PYGB: variants seen among roughly 807,000 people sequenced by gnomAD.
PYGB encodes glycogen phosphorylase, brain form.
Under a neutral mutation model 94.3 loss-of-function variants are expected in PYGB, and 82 were observed. The ratio of observed to expected loss-of-function variants is 0.87; its 90% confidence interval spans 0.73 to 1.04. PYGB has a LOEUF of 1.04. Ranked by LOEUF, PYGB falls within the 50% of genes least tolerant of loss-of-function variation. The pLI is 0.00. For synonymous variants in PYGB, 488 were observed against 479.1 expected (o/e 1.02, Z -0.24); for missense variants, 1,132 against 1,158.2 (o/e 0.98, Z 0.33).
chr20:25,269,092 A>C (rs1417244428), intron 2 of PYGB, 37 bp from the exon 3 acceptor site: 1 of 1,493,748 alleles, frequency 6.7e-7, no homozygotes. Flanking sequence ...GAAAATATTG[A>C]GTAACATTAA....
intron 14 of PYGB, among the ~76,000 whole-genome samples, chr20:25,286,850 C>T (rs1175367121): frequency 2.0e-5 from 3 of 152,248 alleles, no homozygotes; most frequent in Non-Finnish European, 4.4e-5. Context: ...TGTCCCCTGC[C>T]CACTGTGACC....
At position 25,296,787 on chromosome 20, in the gene PYGB, C is replaced by G. The variant is rs2088553924; in HGVS notation, c.*265C>G. ...CAGCCCTGCAGCTTCAGCACCTGCC[C>G]CACCCAGAGTGGGAGTCAGGTGGAG... On this transcript the variant is annotated 3_prime_UTR_variant, in exon 20 of 20. Coordinates refer to ENST00000216962, the MANE Select transcript of PYGB (RefSeq NM_002862.4). The G allele has an allele frequency of 2.1e-6, 1 of 465,992 alleles. No homozygotes were observed. Among genetic ancestry groups the G allele is most frequent in the Non-Finnish European group, 3.8e-6 (1 of 262,190 alleles). 28.9% of individuals were successfully genotyped at this position (465,992 alleles called of 1,614,324 possible). A position where few individuals can be genotyped will look rare whatever the true frequency, so the allele number is the denominator to read the frequency against.
At chr20:25,252,646 C>A (rs117172904) in intron 1 of PYGB, among the ~76,000 whole-genome samples, 1 of 152,204 alleles carries the variant, frequency 6.6e-6, no homozygotes, top group Non-Finnish European at 1.5e-5. Context: ...CAGGAACAGC[C>A]AGATAGAAGA....
In PYGB at chr20:25,296,590, C is replaced by A; in HGVS notation, c.*68C>A. 1 of 1,539,840 alleles carries A rather than the reference C, an allele frequency of 6.5e-7. No individual in the cohort carries two copies. Among genetic ancestry groups the A allele is most frequent in the Non-Finnish European group, 8.8e-7 (1 of 1,142,152 alleles). On this transcript the variant is annotated 3_prime_UTR_variant, in exon 20 of 20. Transcript: ENST00000216962. ...GCTGACTTTGCACCTCCTTTTTTCC[C>A]CAAACACTTTGCCAGCCACTGGTGG...
intron 2 of PYGB, among the ~76,000 whole-genome samples, chr20:25,260,403 A>G (rs980272001): frequency 1.3e-5 from 2 of 152,202 alleles, no homozygotes; most frequent in African/African-American, 2.4e-5. Context: ...TAAACATGCA[A>G]TATGTTTCTA....
At position 25,250,393 on chromosome 20, in the gene PYGB, T is replaced by C. The variant is rs146392744; in HGVS notation, c.243+1972T>C. 3.3e-3 allele frequency among the ~76,000 whole-genome samples: 506 copies of C among 152,254 alleles called. 2 individuals carry two copies. Among genetic ancestry groups the C allele is most frequent in the African/African-American group, 0.012 (490 of 41,538 alleles). The stretch of plus-strand genomic sequence containing the variant: ...TTTTTTGATCCTCCGTGAGATCTCT[T>C]TTGATTGTCTACGTGTGGTGGCTCT... On this transcript the variant is annotated intron_variant, in intron 1 of 19. Transcript: ENST00000216962.
chr20:25,295,649 A>C lies in PYGB; in HGVS notation c.2358A>C (p.Ala786=), dbSNP rs905605698. ...ADYEAYMQCQ[A]QVDQLYRNPK... ...ATGAAGCCTACATGCAGTGCCAGGC[A>C]CAGGTGGACCAGCTGTACCGGGTGA... Residue 786 remains alanine, a synonymous_variant, in exon 19 of 20, where the codon GCA becomes GCC. Coordinates refer to ENST00000216962, the MANE Select transcript of PYGB (RefSeq NM_002862.4). 6.2e-7 allele frequency: 1 copy of C among 1,614,092 alleles called. No individual in the cohort carries two copies. Among genetic ancestry groups the C allele is most frequent in the Admixed American group, 1.7e-5 (1 of 60,038 alleles).
At chr20:25,282,320 G>T (rs1202589418) in intron 12 of PYGB, among the ~76,000 whole-genome samples, 173 bp downstream of exon 12, 2 of 152,258 alleles carry the variant, frequency 1.3e-5, no homozygotes, top group Non-Finnish European at 2.9e-5. Context: ...GCTGAGCTGG[G>T]CAGTCACCCA....
At chr20:25,253,182 C>T (rs1243875225) in intron 1 of PYGB, among the ~76,000 whole-genome samples, 5 of 152,256 alleles carry the variant, frequency 3.3e-5, no homozygotes, top group African/African-American at 9.6e-5. Context: ...AGCTACCTTG[C>T]ACCAGAGCTG....
chr20:25,283,798 C>T lies in PYGB; in HGVS notation c.1621-306C>T, dbSNP rs144951268. Among the ~76,000 whole-genome samples the T allele has an allele frequency of 1.5e-3, 223 of 152,296 alleles. 1 individual carries two copies. Among genetic ancestry groups the T allele is most frequent in the African/African-American group, 4.8e-3 (200 of 41,564 alleles). On this transcript the variant is annotated intron_variant, in intron 13 of 19. Coordinates refer to ENST00000216962, the MANE Select transcript of PYGB (RefSeq NM_002862.4). ...CTCCTTGTAGTCCTTTCAGCCGTCC[C>T]GCTCCCGCGCTGCTCCGCCGCCTGC...
At chr20:25,292,259 C>CAGGAGTGGGAGCA in intron 16 of PYGB, 147 bp from the exon 17 acceptor site, 4 of 843,060 alleles carry the variant, frequency 4.7e-6, no homozygotes, top group East Asian at 5.4e-5. Flanking sequence ...CCTGTGGGAG[C>CAGGAGTGGGAGCA]GGGAGTGGGG....
intron 1 of PYGB, among the ~76,000 whole-genome samples, chr20:25,252,805 G>A (rs2123507677): frequency 6.6e-6 from 1 of 152,316 alleles, no homozygotes; most frequent in South Asian, 2.1e-4. Context: ...CAGTTACCTA[G>A]TGTGATTATT....
At chr20:25,251,198 C>G (rs980983861) in intron 1 of PYGB, 2 of 152,206 alleles carry the variant, frequency 1.3e-5, no homozygotes, top group African/African-American at 4.8e-5. Flanking sequence ...AATGGATTCT[C>G]TGAAGTGGTG....
intron 3 of PYGB, among the ~76,000 whole-genome samples, chr20:25,270,792 G>T (rs373408765): frequency 6.6e-6 from 1 of 152,196 alleles, no homozygotes; most frequent in Admixed American, 6.5e-5. Flanking sequence ...ACCACTCCTG[G>T]CCTCTAAATC....
chr20:25,267,691 CAGCT>C (rs1199282188), intron 2 of PYGB, among the ~76,000 whole-genome samples: 1 of 152,140 alleles, frequency 6.6e-6, no homozygotes, highest in African/African-American at 2.4e-5. Flanking sequence ...CCACCGTACC[CAGCT>C]AATTTATTTT....
chr20:25,268,690 C>CT (rs2088240425), intron 2 of PYGB, among the ~76,000 whole-genome samples: 1 of 152,184 alleles, frequency 6.6e-6, no homozygotes, highest in Non-Finnish European at 1.5e-5. Context: ...TCTGGAATGG[C>CT]TTTAAGTGTC....
intron 7 of PYGB, 78 bp downstream of exon 7, chr20:25,277,404 C>T: frequency 1.4e-6 from 2 of 1,389,610 alleles, no homozygotes; most frequent in Non-Finnish European, 2.0e-6. Context: ...TGGCCGGGCT[C>T]CCCAGTGGGG....
chr20:25,261,295 G>T (rs1407339521), intron 2 of PYGB, among the ~76,000 whole-genome samples: 1 of 152,184 alleles, frequency 6.6e-6, no homozygotes, highest in African/African-American at 2.4e-5. Context: ...CCAGAGGAAC[G>T]ATCAGGCAGC....
chr20:25,267,116 A>G (rs2088225155), intron 2 of PYGB, among the ~76,000 whole-genome samples: 1 of 152,252 alleles, frequency 6.6e-6, no homozygotes, highest in South Asian at 2.1e-4. Flanking sequence ...TAGGTAAACA[A>G]AATGTGGGCT....
Sources: allele counts gnomAD v4.1 joint callset (sites outside exome capture counted in the v4.1 genomes callset), GRCh38; gene constraint gnomAD v4.1.1; transcripts MANE v1.5; gene names NCBI Gene and HGNC (gene_info 2026-07-23, HGNC 2026-07-21).